Variants in USP43 observed in about 807,000 individuals in gnomAD.
The protein encoded by USP43 is ubiquitin carboxyl-terminal hydrolase 43.
In USP43, 33 loss-of-function variants were observed where a neutral mutation model predicts 90.7. The ratio of observed to expected loss-of-function variants is 0.36; its 90% confidence interval spans 0.28 to 0.49. USP43 has a LOEUF of 0.49. Ranked by LOEUF, USP43 falls within the 20% of genes least tolerant of loss-of-function variation. The pLI, the probability that USP43 is intolerant of heterozygous loss-of-function variation, is 0.98. For missense variants in USP43, 1,274 were observed against 1,476.4 expected (o/e 0.86, Z 2.25); for synonymous variants, 598 against 615.8 (o/e 0.97, Z 0.43).
At chr17:9,671,690 A>G (rs1489792728) in intron 3 of USP43, among the ~76,000 whole-genome samples, 2 of 152,218 alleles carry the variant, frequency 1.3e-5, no homozygotes, top group East Asian at 1.9e-4. Flanking sequence ...GCCTGTGAAC[A>G]TTGAAAGGCA....
intron 5 of USP43, among the ~76,000 whole-genome samples, chr17:9,678,026 C>G (rs2151974104): frequency 6.6e-6 from 1 of 152,166 alleles, no homozygotes; most frequent in South Asian, 2.1e-4. Context: ...CTTTAAAGTG[C>G]ACTATGGGGA....
intron 14 of USP43, among the ~76,000 whole-genome samples, chr17:9,714,408 A>G (rs401367): frequency 0.41 from 61,910 of 151,950 alleles, 15,800 homozygotes; most frequent in African/African-American, 0.73. Flanking sequence ...AAGGCCGGGC[A>G]CAGTGGCTCA....
chr17:9,650,968 A>G (rs532660093), intron 1 of USP43, among the ~76,000 whole-genome samples: 1 of 152,242 alleles, frequency 6.6e-6, no homozygotes, highest in African/African-American at 2.4e-5. Flanking sequence ...GCAGTCTTTC[A>G]TCCTTCACCC....
intron 2 of USP43, 37 bp from the exon 3 acceptor site, chr17:9,666,611 G>T: frequency 6.5e-7 from 1 of 1,536,322 alleles, no homozygotes; most frequent in South Asian, 1.2e-5. Flanking sequence ...GATGAGAGGT[G>T]TATCTAATCT....
chr17:9,664,321 T>C (rs1912855944), intron 2 of USP43, among the ~76,000 whole-genome samples: 1 of 152,222 alleles, frequency 6.6e-6, no homozygotes, highest in Non-Finnish European at 1.5e-5. Flanking sequence ...TCTTATTTTC[T>C]TGGATGTACT....
chr17:9,716,148 C>T (rs1916558124), intron 14 of USP43, among the ~76,000 whole-genome samples: 1 of 151,822 alleles, frequency 6.6e-6, no homozygotes, highest in Non-Finnish European at 1.5e-5. Flanking sequence ...CTTTGTGTTC[C>T]TTCAGCCAGA....
At position 9,645,811 on chromosome 17, in the gene USP43, G is replaced by T. The variant is rs995146207; in HGVS notation, c.179G>T (p.Gly60Val). The change falls in exon 1 of 15, where the codon GGC becomes GTC. Residue 60 changes from glycine to valine, a missense_variant. By Grantham distance (109) the Gly-to-Val change is moderately radical (BLOSUM62 -3). Transcript: ENST00000285199. The surrounding 1 kb of genome is among the most constrained non-coding windows in gnomAD (Gnocchi z 6.8). The stretch of plus-strand genomic sequence containing the variant: ...CACTGTGATGGCGACGGTGAGGGGG[G>T]CTTCGCCTGCGCCCCGGGCCCAGTT... ...PGHCDGDGEG[G>V]FACAPGPVPA... The T allele has an allele frequency of 2.2e-6, 3 of 1,389,060 alleles. No individual in the cohort carries two copies. The highest frequency in any genetic ancestry group is 9.3e-7 in the Non-Finnish European group (1 of 1,078,572). 86.0% of individuals were successfully genotyped at this position (1,389,060 alleles called of 1,614,324 possible).
intron 6 of USP43, among the ~76,000 whole-genome samples, chr17:9,681,462 TTATATATATATA>T (rs1184883523): frequency 0.013 from 244 of 18,562 alleles, 7 homozygotes; most frequent in Non-Finnish European, 0.013. Flanking sequence ...ATAAAATATA[TTATATATATATA>T]TATATATATA....
chr17:9,693,678 A>G (rs1300845862), intron 9 of USP43, among the ~76,000 whole-genome samples: 1 of 152,110 alleles, frequency 6.6e-6, no homozygotes, highest in Non-Finnish European at 1.5e-5. Flanking sequence ...TCTACTAAAA[A>G]TACAAAAAAA....
In USP43 at chr17:9,693,197, A is replaced by G. The variant is rs768763554; in HGVS notation, c.1424A>G (p.Asp475Gly). ...GCCTGCAGCTATTTGTCTCCGAAGG[A>G]CAGTCGGCCCCTCTGTCACTGGGCA... is the stretch of plus-strand genomic sequence containing the variant. ...SVACSYLSPK[D>G]SRPLCHWAVD... The change falls in exon 9 of 15, where the codon GAC becomes GGC. Residue 475 changes from aspartate (D) to glycine (G), a missense_variant. Physicochemically the swap from Asp to Gly is moderately conservative, Grantham distance 94. This residue lies in a region of USP43 where 253 missense variants were observed against 276.0 expected (regional missense o/e 0.92). Coordinates refer to ENST00000285199, the MANE Select transcript of USP43 (RefSeq NM_153210.5). 6.2e-7 allele frequency: 1 copy of G among 1,613,410 alleles called. No individual in the cohort carries two copies. The highest frequency in any genetic ancestry group is 2.2e-5 in the East Asian group (1 of 44,872).
At chr17:9,646,176 T>C in intron 1 of USP43, 40 bp downstream of exon 1, 1 of 1,390,226 alleles carries the variant, frequency 7.2e-7, no homozygotes, top group Non-Finnish European at 9.3e-7. Flanking sequence ...GTCCCCCTGG[T>C]TTCGCCTCTT....
At chr17:9,681,682 T>A (rs1914300307) in intron 6 of USP43, among the ~76,000 whole-genome samples, 1 of 150,610 alleles carries the variant, frequency 6.6e-6, no homozygotes, top group African/African-American at 2.4e-5. Context: ...TTAGTAGAGA[T>A]GGGGTTTCAC....
At position 9,723,800 on chromosome 17, in the gene USP43, G is replaced by A. The variant is rs566108066; in HGVS notation, c.2336-4154G>A. Among the ~76,000 whole-genome samples, 15 of 151,618 alleles carry A rather than the reference G, an allele frequency of 9.9e-5. No homozygotes were observed. In the East Asian group the frequency reaches 2.5e-3, roughly 26 times the overall value. ...GGTTTTGTATTTTTAGTAGAGATGG[G>A]GTTTCACCATGTTGGTCAGGCGGGT... is the stretch of plus-strand genomic sequence containing the variant. On this transcript the variant is annotated intron_variant, in intron 14 of 14. Transcript: ENST00000285199.
At chr17:9,646,208 G>A (rs1911387175) in intron 1 of USP43, 72 bp downstream of exon 1, 3 of 1,358,202 alleles carry the variant, frequency 2.2e-6, no homozygotes, top group Non-Finnish European at 2.8e-6. Flanking sequence ...GCACGATCAG[G>A]AAAGGGTTTT....
chr17:9,682,893 C>T lies in USP43; in HGVS notation c.1176C>T (p.Leu392=), dbSNP rs1567662159. 2 of 1,614,048 alleles carry T rather than the reference C, an allele frequency of 1.2e-6. No homozygotes were observed. The highest frequency in any genetic ancestry group is 8.5e-7 in the Non-Finnish European group (1 of 1,179,882). The change falls in exon 7 of 15, where the codon CTC becomes CTT. Residue 392 remains leucine (L), a synonymous_variant. Transcript: ENST00000285199. ...AGGGCCAGCGATTCTCCCTCTCTCTCCACAGTGAGAGCAAGGTGCTAATCC... is the reference window on the plus strand; with the variant it reads ...AGGGCCAGCGATTCTCCCTCTCTCTTCACAGTGAGAGCAAGGTGCTAATCC... ...AREGQRFSLS[L]HSESKVLILF... is the part of the protein sequence containing the mutation.
chr17:9,712,617 T>C (rs759083509), intron 14 of USP43, among the ~76,000 whole-genome samples: 7 of 151,854 alleles, frequency 4.6e-5, no homozygotes, highest in East Asian at 1.9e-4. Context: ...GGAGTGAGCA[T>C]TGGATGTGTG....
chr17:9,671,979 T>C (rs1913465347), intron 3 of USP43, among the ~76,000 whole-genome samples: 1 of 152,204 alleles, frequency 6.6e-6, no homozygotes, highest in Admixed American at 6.5e-5. Context: ...GAAAACATTA[T>C]ACTTTTTCAT....
chr17:9,698,012 CCTT>C (rs1915376784), intron 9 of USP43, among the ~76,000 whole-genome samples: 1 of 152,152 alleles, frequency 6.6e-6, no homozygotes, highest in Non-Finnish European at 1.5e-5. Context: ...TATTTTCTGA[CCTT>C]CTAATAATAG....
intron 14 of USP43, among the ~76,000 whole-genome samples, chr17:9,719,767 G>A (rs76251985): frequency 0.021 from 3,131 of 152,238 alleles, 109 homozygotes; most frequent in African/African-American, 0.071. Context: ...TTCTGAGACG[G>A]TTGAAAAATC....
Sources: allele counts gnomAD v4.1 joint callset (sites outside exome capture counted in the v4.1 genomes callset), GRCh38; gene constraint gnomAD v4.1.1; regional missense constraint gnomAD v4.1.1; non-coding constraint Gnocchi (gnomAD v3.1); transcripts MANE v1.5; gene names NCBI Gene and HGNC (gene_info 2026-07-23, HGNC 2026-07-21).